RYR3: variants seen among roughly 807,000 people sequenced by gnomAD.
RYR3 encodes the protein ryanodine receptor 3, also known as brain ryanodine receptor-calcium release channel.
RYR3 carries 207 observed loss-of-function variants against 584.3 expected under a neutral mutation model. The ratio of observed to expected loss-of-function variants is 0.35; its 90% CI spans 0.32 to 0.40. The LOEUF is 0.40. Among genes scored for constraint, RYR3 ranks in the 10% least tolerant of loss-of-function variants. The probability of loss-of-function intolerance (pLI) is 1.00; values close to 1 mark genes in which losing one functional copy is unlikely to be tolerated. For synonymous variants in RYR3, 2,416 were observed against 2,248.5 expected, an observed-to-expected ratio of 1.07 and a Z score of -2.11; for missense variants, 5,616 against 6,089.2, an observed-to-expected ratio of 0.92 and a Z score of 2.59.
chr15:33,579,552 G>A (rs949728640), intron 12 of RYR3, among the ~76,000 whole-genome samples: 1 of 152,104 alleles, frequency 6.6e-6, no homozygotes, highest in Admixed American at 6.5e-5. Flanking sequence ...CAGACAACCA[G>A]GGGTAAATGG....
intron 71 of RYR3, 57 bp from the exon 72 acceptor site, chr15:33,810,921 C>A: frequency 1.4e-6 from 2 of 1,430,340 alleles, no homozygotes; most frequent in South Asian, 1.2e-5. Context: ...TCCCCATATG[C>A]TACTTGACAG....
chr15:33,836,732 C>T (rs940893877), intron 87 of RYR3, among the ~76,000 whole-genome samples, 174 bp from the exon 88 acceptor site: 4 of 152,152 alleles, frequency 2.6e-5, no homozygotes, highest in East Asian at 1.9e-4. Context: ...GTGAGTCTCC[C>T]GGTGCTGCAA....
chr15:33,345,619 G>A (rs1057176512), intron 1 of RYR3, among the ~76,000 whole-genome samples: 2 of 152,146 alleles, frequency 1.3e-5, no homozygotes, highest in African/African-American at 2.4e-5. Context: ...ACTCTGCCAT[G>A]CAGAGTACAG....
intron 60 of RYR3, among the ~76,000 whole-genome samples, chr15:33,764,553 G>A (rs992404842): frequency 4.0e-5 from 6 of 150,268 alleles, no homozygotes; most frequent in African/African-American, 1.5e-4. Flanking sequence ...TTCTGCACAT[G>A]TGTCCCAGAA....
At chr15:33,853,744 A>T in intron 96 of RYR3, 62 bp downstream of exon 96, 2 of 1,561,296 alleles carry the variant, frequency 1.3e-6, no homozygotes, top group Non-Finnish European at 1.7e-6. Context: ...TTGCTTTTCC[A>T]TAGGAAAAAA....
At chr15:33,816,042 T>A (rs911648674) in intron 74 of RYR3, 1 of 394,196 alleles carries the variant, frequency 2.5e-6, no homozygotes, top group Non-Finnish European at 4.5e-6. Context: ...TTAGGAAGAA[T>A]TCTGATTGGT....
chr15:33,855,005 T>C, intron 98 of RYR3, 93 bp downstream of exon 98: 1 of 1,244,888 alleles, frequency 8.0e-7, no homozygotes. Context: ...CAGGAAGGAA[T>C]ATGTCTTGGT....
chr15:33,760,320 T>A (rs1459789756), intron 60 of RYR3, among the ~76,000 whole-genome samples: 1 of 152,046 alleles, frequency 6.6e-6, no homozygotes, highest in Non-Finnish European at 1.5e-5. Context: ...AATGCCCCAA[T>A]TAAAAGACAC....
At chr15:33,728,583 G>T (rs67145756) in intron 46 of RYR3, among the ~76,000 whole-genome samples, 1 of 152,070 alleles carries the variant, frequency 6.6e-6, no homozygotes, top group Non-Finnish European at 1.5e-5. Flanking sequence ...CAATATTTGC[G>T]CTATACTTAC....
chr15:33,797,180 C>G (rs1049114645), intron 67 of RYR3, among the ~76,000 whole-genome samples: 1 of 152,122 alleles, frequency 6.6e-6, no homozygotes, highest in Non-Finnish European at 1.5e-5. Flanking sequence ...GCCATCTCCT[C>G]CATATGGCAG....
chr15:33,823,378 T>C (rs940008610), intron 81 of RYR3, among the ~76,000 whole-genome samples: 1 of 152,186 alleles, frequency 6.6e-6, no homozygotes, highest in Admixed American at 6.5e-5. Context: ...AGTGTGCGCA[T>C]TGAGTTTCTC....
intron 53 of RYR3, among the ~76,000 whole-genome samples, chr15:33,747,444 G>A (rs1331813675): frequency 1.2e-5 from 1 of 85,862 alleles, no homozygotes; most frequent in Non-Finnish European, 2.1e-5. Flanking sequence ...TTTTTTTTGA[G>A]ACAGAGTTTC....
chr15:33,602,361 G>C (rs1440025914), intron 17 of RYR3, among the ~76,000 whole-genome samples: 2 of 152,062 alleles, frequency 1.3e-5, no homozygotes, highest in African/African-American at 4.8e-5. Flanking sequence ...TAACCACTTT[G>C]CTGGATACAT....
intron 28 of RYR3, among the ~76,000 whole-genome samples, chr15:33,645,889 G>A (rs907350454): frequency 1.3e-5 from 2 of 152,138 alleles, no homozygotes; most frequent in Non-Finnish European, 2.9e-5. Context: ...GGGCTGGGTG[G>A]GGAGGGTGTC....
intron 98 of RYR3, chr15:33,855,736 CATTATATAGTTAATACAT>C (rs1368793643): frequency 2.6e-5 from 4 of 152,134 alleles, no homozygotes; most frequent in Non-Finnish European, 5.9e-5. Flanking sequence ...TGTGTATATA[CATTATATAGTTAATACAT>C]ATTATATAGT....
At chr15:33,584,614 A>T in intron 15 of RYR3, 124 bp downstream of exon 15, 1 of 558,086 alleles carries the variant, frequency 1.8e-6, no homozygotes, top group Non-Finnish European at 3.2e-6. Flanking sequence ...TCATACTTCA[A>T]AATTAAAAAG....
intron 17 of RYR3, among the ~76,000 whole-genome samples, chr15:33,602,304 A>G (rs1041860941): frequency 3.9e-5 from 6 of 152,206 alleles, no homozygotes; most frequent in African/African-American, 1.4e-4. Flanking sequence ...CGTCTCTAAA[A>G]GTATGATTCC....
chr15:33,854,652 C>T lies in RYR3; in HGVS notation c.13861-114C>T, dbSNP rs955543633. The T allele has an allele frequency of 4.2e-5, 57 of 1,370,014 alleles. No individual in the cohort carries two copies. The Middle Eastern group carries it at 7.5e-4, about 18-fold the overall frequency. 84.9% of individuals were successfully genotyped at this position (1,370,014 alleles called of 1,614,324 possible). A position where few individuals can be genotyped will look rare whatever the true frequency, so the allele number is the denominator to read the frequency against. On this transcript the variant is annotated intron_variant, in intron 97 of 103. Transcript: ENST00000634891. ...GATCTTGGGCCAGCTCACAGCACCT[C>T]AGCACCTAAACCCCCTCTATCCTCA... is the stretch of plus-strand genomic sequence containing the variant.
intron 57 of RYR3, among the ~76,000 whole-genome samples, chr15:33,752,319 G>T (rs1205089132): frequency 2.0e-5 from 3 of 152,166 alleles, no homozygotes; most frequent in Non-Finnish European, 4.4e-5. Context: ...ATGACTTTGG[G>T]CAGTATGGCC....
Sources: allele counts gnomAD v4.1 joint callset (sites outside exome capture counted in the v4.1 genomes callset), GRCh38; gene constraint gnomAD v4.1.1; transcripts MANE v1.5; gene names NCBI Gene and HGNC (gene_info 2026-07-23, HGNC 2026-07-21).